The following SNX29 variants were observed in gnomAD, a reference collection of about 807,000 sequenced individuals.
SNX29 encodes sorting nexin 29.
A neutral mutation model predicts 102.1 loss-of-function variants in SNX29; 78 were observed. That is an observed-to-expected ratio of 0.76 (90% CI 0.64 to 0.92). The LOEUF is 0.92. Ranked by LOEUF, SNX29 falls within the 40% of genes least tolerant of loss-of-function variation. The pLI is 0.00. For synonymous variants in SNX29, 580 were observed against 414.5 expected (o/e 1.40, Z -4.85); for missense variants, 1,280 against 1,061.7 (o/e 1.21, Z -2.86).
intron 15 of SNX29, among the ~76,000 whole-genome samples, chr16:12,329,231 T>C (rs188517838): frequency 7.5e-6 from 1 of 132,596 alleles, no homozygotes; most frequent in African/African-American, 2.8e-5. Context: ...GAGCTATGAT[T>C]ATGCCACTGC....
chr16:12,157,173 G>A (rs1017037987), intron 13 of SNX29, among the ~76,000 whole-genome samples: 1 of 152,100 alleles, frequency 6.6e-6, no homozygotes, highest in South Asian at 2.1e-4. Context: ...CGGAAGGATG[G>A]GGCATTCATC....
At chr16:12,548,554 AT>A (rs1443004112) in intron 20 of SNX29, among the ~76,000 whole-genome samples, 2 of 151,884 alleles carry the variant, frequency 1.3e-5, no homozygotes, top group Non-Finnish European at 2.9e-5. Flanking sequence ...CCCTCTAGGG[AT>A]TTTCTATGAT....
intron 15 of SNX29, among the ~76,000 whole-genome samples, chr16:12,280,003 A>T (rs1470598367): frequency 1.3e-5 from 2 of 152,094 alleles, no homozygotes; most frequent in Non-Finnish European, 2.9e-5. Flanking sequence ...CTCCGTGGAG[A>T]TTCTCCACCT....
intron 8 of SNX29, among the ~76,000 whole-genome samples, chr16:12,057,890 T>C (rs1258289957): frequency 2.0e-5 from 3 of 151,682 alleles, no homozygotes; most frequent in East Asian, 3.9e-4. Flanking sequence ...CAATCTTGGC[T>C]CACTGCAATC....
rs541791650 is a variant in SNX29, at chr16:12,051,462, T to C, written c.749-385T>C. Among the ~76,000 whole-genome samples the C allele has an allele frequency of 9.2e-5, 14 of 152,266 alleles. 1 individual carries two copies. In the South Asian group the frequency reaches 2.9e-3, roughly 32 times the overall value. On this transcript the variant is annotated intron_variant, in intron 7 of 20. Coordinates refer to ENST00000566228, the MANE Select transcript of SNX29 (RefSeq NM_032167.5). ...GGCATTGCACAGGAATGGCAGGAGT[T>C]TGAGGCTGCTCAACCCTTGACTACA...
intron 14 of SNX29, among the ~76,000 whole-genome samples, chr16:12,210,720 A>C (rs2077160770): frequency 6.6e-6 from 1 of 151,208 alleles, no homozygotes; most frequent in Non-Finnish European, 1.5e-5. Context: ...ATTTTCTCTC[A>C]CATGTTCCCT....
At chr16:12,432,392 G>T (rs1043244591) in intron 18 of SNX29, among the ~76,000 whole-genome samples, 2 of 152,186 alleles carry the variant, frequency 1.3e-5, no homozygotes, top group Non-Finnish European at 2.9e-5. Flanking sequence ...ATGAGTAAGG[G>T]GCACACACCA....
At chr16:12,285,879 G>A (rs754876571) in intron 15 of SNX29, among the ~76,000 whole-genome samples, 4 of 152,132 alleles carry the variant, frequency 2.6e-5, no homozygotes, top group Non-Finnish European at 4.4e-5. Context: ...TTTTTCTGAT[G>A]GAGTTTCACT....
rs917826796 is a variant in SNX29 at position 12,402,556 on chromosome 16, C to T, written c.1956-892C>T. On this transcript the variant is annotated intron_variant, in intron 17 of 20. Coordinates refer to ENST00000566228, the MANE Select transcript of SNX29 (RefSeq NM_032167.5). Reference sequence around the variant, plus strand: ...AAGTTTCAGGGACAGTCAGCTTATTCGCTCTGTGTAATTTGGATCCAGCCG... The same window carrying T: ...AAGTTTCAGGGACAGTCAGCTTATTTGCTCTGTGTAATTTGGATCCAGCCG... Among the ~76,000 whole-genome samples, 24 of 152,308 alleles carry T rather than the reference C, an allele frequency of 1.6e-4. No individual in the cohort carries two copies. In the East Asian group the frequency reaches 1.7e-3, roughly 11 times the overall value.
At chr16:12,048,712 G>T in intron 7 of SNX29, 92 bp downstream of exon 7, 1 of 1,593,376 alleles carries the variant, frequency 6.3e-7, no homozygotes, top group South Asian at 1.1e-5. Flanking sequence ...GTCATTCCAA[G>T]GGGAATGGAG....
chr16:12,571,174 A>G lies in SNX29; in HGVS notation c.*2545A>G, dbSNP rs913349929. The G allele has an allele frequency of 4.3e-6, 1 of 232,392 alleles. No individual in the cohort carries two copies. The highest frequency in any genetic ancestry group is 8.5e-6 in the Non-Finnish European group (1 of 117,532). The allele number at this position is 232,392 out of a possible 1,614,324, so 14.4% of individuals were successfully genotyped here. A position where few individuals can be genotyped will look rare whatever the true frequency, so the allele number is the denominator to read the frequency against. On this transcript the variant is annotated 3_prime_UTR_variant, in exon 21 of 21. Coordinates refer to ENST00000566228, the MANE Select transcript of SNX29 (RefSeq NM_032167.5). The stretch of plus-strand genomic sequence containing the variant: ...TCAGAAGAATCCCGTCCTGCTCTCT[A>G]GTGTGGTGGGATGAACTTCAGGCAA...
chr16:12,504,621 G>C (rs2089290002), intron 19 of SNX29, among the ~76,000 whole-genome samples: 1 of 152,176 alleles, frequency 6.6e-6, no homozygotes, highest in Admixed American at 6.5e-5. Context: ...GTTACCCACA[G>C]TACAGTACAG....
chr16:12,268,556 A>G (rs1177340643), intron 14 of SNX29, among the ~76,000 whole-genome samples: 1 of 152,174 alleles, frequency 6.6e-6, no homozygotes, highest in Non-Finnish European at 1.5e-5. Flanking sequence ...TCTTGTAGAC[A>G]TCATTGGCAT....
chr16:12,332,627 C>T (rs577253861), intron 15 of SNX29, among the ~76,000 whole-genome samples: 19 of 152,250 alleles, frequency 1.2e-4, no homozygotes, highest in East Asian at 3.9e-4. Context: ...GTGCTTTTGA[C>T]GCTCAAGAAC....
intron 14 of SNX29, among the ~76,000 whole-genome samples, chr16:12,277,665 C>T (rs996292949): frequency 2.0e-5 from 3 of 152,118 alleles, no homozygotes; most frequent in Admixed American, 6.5e-5. Flanking sequence ...GCCTCGACCT[C>T]CTGGGCTCAA....
chr16:12,543,588 C>G (rs1682712362), intron 20 of SNX29, among the ~76,000 whole-genome samples: 1 of 152,224 alleles, frequency 6.6e-6, no homozygotes, highest in South Asian at 2.1e-4. Context: ...TGGTGCGTCC[C>G]AGTTCATCCT....
chr16:12,484,613 G>T (rs2088136105), intron 19 of SNX29, among the ~76,000 whole-genome samples: 1 of 151,894 alleles, frequency 6.6e-6, no homozygotes. Flanking sequence ...CCACACTGGT[G>T]TCCTAAGACA....
chr16:12,216,737 G>A (rs973279480), intron 14 of SNX29, among the ~76,000 whole-genome samples: 1 of 100,036 alleles, frequency 1.0e-5, no homozygotes. Flanking sequence ...CCTACATCTC[G>A]TTTTGGATCA....
intron 15 of SNX29, among the ~76,000 whole-genome samples, chr16:12,330,013 C>G (rs1299553720): frequency 6.6e-6 from 1 of 152,202 alleles, no homozygotes; most frequent in African/African-American, 2.4e-5. Context: ...GCACACTCCT[C>G]AACATCTCTG....
Sources: allele counts gnomAD v4.1 joint callset (sites outside exome capture counted in the v4.1 genomes callset), GRCh38; gene constraint gnomAD v4.1.1; transcripts MANE v1.5; gene names NCBI Gene and HGNC (gene_info 2026-07-23, HGNC 2026-07-21).